CSF2RA: variants seen among roughly 807,000 people sequenced by gnomAD.
The protein encoded by CSF2RA is colony stimulating factor 2 receptor subunit alpha.
Under a neutral mutation model 51.6 loss-of-function variants are expected in CSF2RA, and 42 were observed. The ratio of observed to expected loss-of-function variants is 0.81; its 90% CI spans 0.64 to 1.05. The LOEUF (loss-of-function observed/expected upper bound fraction) is 1.05. CSF2RA is among the 50% of genes least tolerant of loss of function. CSF2RA has a pLI of 0.00. For missense variants in CSF2RA, 530 were observed against 501.1 expected (o/e 1.06, Z -0.55); for synonymous variants, 222 against 193.0 (o/e 1.15, Z -1.24).
downstream of CSF2RA, among the ~76,000 whole-genome samples, chrX:1,312,791 C>G (rs2084243780): frequency 6.6e-6 from 1 of 152,080 alleles, no homozygotes; most frequent in East Asian, 1.9e-4. Context: ...CTCCTGCAAA[C>G]CCCAGCCGGC....
the CSF2RA span, among the ~76,000 whole-genome samples, chrX:1,321,805 G>A: frequency 6.6e-6 from 1 of 152,068 alleles, no homozygotes; most frequent in East Asian, 1.9e-4. Context: ...TTGCCACACT[G>A]CTTATGATGC....
chrX:1,294,263 C>T (rs1264578471), intron 7 of CSF2RA, 65 bp from the exon 8 acceptor site: 10 of 1,604,610 alleles, frequency 6.2e-6, no homozygotes, highest in African/African-American at 1.3e-5. Flanking sequence ...TGCACCACCT[C>T]CACCTGGACC....
intron 9 of CSF2RA, among the ~76,000 whole-genome samples, chrX:1,297,164 AC>A (rs2092019983): frequency 2.6e-5 from 1 of 38,468 alleles, no homozygotes; most frequent in Non-Finnish European, 5.4e-5. Flanking sequence ...ACAGTCCCCT[AC>A]TCACGACCCC....
intron 2 of CSF2RA, among the ~76,000 whole-genome samples, chrX:1,281,493 T>C (rs1239019310): frequency 4.6e-5 from 5 of 109,042 alleles, no homozygotes; most frequent in Admixed American, 8.8e-5. Flanking sequence ...TCTCCTCCTC[T>C]TCCTCCTACT....
chrX:1,292,637 AC>A (rs1350971676), intron 7 of CSF2RA, among the ~76,000 whole-genome samples: 1 of 152,078 alleles, frequency 6.6e-6, no homozygotes, highest in Non-Finnish European at 1.5e-5. Flanking sequence ...CTCCACACAA[AC>A]ATCAGTGTAG....
the CSF2RA span, among the ~76,000 whole-genome samples, chrX:1,316,969 C>T: frequency 4.6e-5 from 7 of 152,064 alleles, no homozygotes; most frequent in East Asian, 3.8e-4. Flanking sequence ...TTTATTGAGA[C>T]GGACTCTCAC....
chrX:1,308,727 A>G (rs1354965376), intron 12 of CSF2RA, among the ~76,000 whole-genome samples: 2 of 150,878 alleles, frequency 1.3e-5, no homozygotes, highest in Non-Finnish European at 3.0e-5. Flanking sequence ...CCCGCTTTCC[A>G]CTGACCCCCA....
chrX:1,271,888 T>G (rs1457481260), intron 1 of CSF2RA, among the ~76,000 whole-genome samples: 15 of 152,056 alleles, frequency 9.9e-5, no homozygotes, highest in Admixed American at 2.0e-4. Context: ...CTTGGTCCCC[T>G]GTAGGTTTGC....
the CSF2RA span, among the ~76,000 whole-genome samples, chrX:1,319,078 C>G: frequency 6.7e-6 from 1 of 149,288 alleles, no homozygotes; most frequent in Non-Finnish European, 1.5e-5. Context: ...TCACTACAAC[C>G]TCCGCCTCCC....
At chrX:1,275,008 C>T (rs2088979872) in intron 2 of CSF2RA, among the ~76,000 whole-genome samples, 190 bp downstream of exon 2, 4 of 149,620 alleles carry the variant, frequency 2.7e-5, no homozygotes, top group African/African-American at 9.8e-5. Flanking sequence ...CCCTCTGAGA[C>T]AGTACACATC....
intron 10 of CSF2RA, 152 bp downstream of exon 10, chrX:1,300,778 A>G: frequency 9.7e-7 from 1 of 1,031,292 alleles, no homozygotes; most frequent in Non-Finnish European, 1.5e-6. Flanking sequence ...CTGAGGCTCA[A>G]AAGAAGGAGG....
In CSF2RA at chrX:1,270,598, GATATC is replaced by G. The variant is rs201161921; in HGVS notation, c.-91+1721_-91+1725del. ...ACACTATGAAAGCTTTTGTTCTGAA[GATATC>G]AACACATCAGGAGGTTTCTGTGTCT... On this transcript the variant is annotated intron_variant, in intron 1 of 12. Transcript: ENST00000381529. 3.5e-3 allele frequency among the ~76,000 whole-genome samples: 538 copies of G among 152,034 alleles called. 1 individual carries two copies. Among genetic ancestry groups the G allele is most frequent in the African/African-American group, 0.012 (496 of 41,494 alleles).
chrX:1,286,575 A>G (rs1283974206), intron 4 of CSF2RA, among the ~76,000 whole-genome samples: 6 of 42,614 alleles, frequency 1.4e-4, no homozygotes, highest in Non-Finnish European at 3.3e-4. Context: ...GTCTCCAAAA[A>G]AAAAAAAAAA....
At chrX:1,304,727 C>CGT (rs2083380408) in intron 11 of CSF2RA, among the ~76,000 whole-genome samples, 1 of 151,932 alleles carries the variant, frequency 6.6e-6, no homozygotes, top group African/African-American at 2.4e-5. Flanking sequence ...TGCAGTGTTG[C>CGT]AATCTCGGCT....
At chrX:1,319,145 G>A in the CSF2RA span, among the ~76,000 whole-genome samples, 180 of 147,004 alleles carry the variant, frequency 1.2e-3, 8 homozygotes, top group Non-Finnish European at 2.0e-3. Context: ...ACAGGTGCCC[G>A]CCACCACGCC....
chrX:1,283,127 C>G (rs1206918987), intron 3 of CSF2RA, among the ~76,000 whole-genome samples: 14 of 22,750 alleles, frequency 6.2e-4, no homozygotes, highest in Admixed American at 1.3e-3. Context: ...TCCTTCGTTC[C>G]TTCCTTCCTT....
Position 1,300,328 on chromosome X carries a change from C to T in CSF2RA, c.811-163C>T, listed in dbSNP as rs1474158937. ...AACGAGGCTTGACTCTGCTTAGCTT[C>T]GAAGACCCGATCAGACCAAGTGCAT... On this transcript the variant is annotated intron_variant, in intron 9 of 12. Coordinates refer to ENST00000381529, the MANE Select transcript of CSF2RA (RefSeq NM_172245.4). The T allele has an allele frequency of 1.7e-5, 14 of 842,008 alleles. No individual in the cohort carries two copies. The Admixed American group carries it at 2.1e-4, about 13-fold the overall frequency. The allele number at this position is 842,008 out of a possible 1,614,324, so 52.2% of individuals were successfully genotyped here.
chrX:1,321,280 T>G, the CSF2RA span, among the ~76,000 whole-genome samples: 1 of 151,898 alleles, frequency 6.6e-6, no homozygotes, highest in African/African-American at 2.4e-5. Flanking sequence ...CCATCCTGGC[T>G]AACACAATGA....
the CSF2RA span, among the ~76,000 whole-genome samples, chrX:1,315,806 G>C: frequency 1.5e-3 from 123 of 81,500 alleles, no homozygotes; most frequent in African/African-American, 4.3e-3. Flanking sequence ...TAGATAGATA[G>C]ATAGATAGAT....
Sources: allele counts gnomAD v4.1 joint callset (sites outside exome capture counted in the v4.1 genomes callset), GRCh38; gene constraint gnomAD v4.1.1; transcripts MANE v1.5; gene names NCBI Gene and HGNC (gene_info 2026-07-23, HGNC 2026-07-21).